ZNF503: variants seen among roughly 807,000 people sequenced by gnomAD.
The protein encoded by ZNF503 is NocA-like zinc finger 2.
A neutral mutation model predicts 34.4 loss-of-function variants in ZNF503; 15 were observed. The observed-to-expected ratio is 0.44, with a 90% CI of 0.29 to 0.67. ZNF503 has a LOEUF of 0.67. ZNF503 is among the 30% of genes least tolerant of loss of function. ZNF503 has a pLI of 0.13. For synonymous variants in ZNF503, 580 were observed against 456.8 expected (o/e 1.27, Z -3.44); for missense variants, 1,007 against 926.8 (o/e 1.09, Z -1.12).
chr10:75,368,204 A>G, the ZNF503 span, among the ~76,000 whole-genome samples: 1 of 152,282 alleles, frequency 6.6e-6, no homozygotes, highest in African/African-American at 2.4e-5. Flanking sequence ...CATCAACAAT[A>G]CAGGGGAGAA....
At chr10:75,330,710 G>T in the ZNF503 span, among the ~76,000 whole-genome samples, 1 of 151,508 alleles carries the variant, frequency 6.6e-6, no homozygotes, top group African/African-American at 2.4e-5. Context: ...TTTGATTTTT[G>T]ATTTTATTTA....
the ZNF503 span, among the ~76,000 whole-genome samples, chr10:75,387,904 A>C: frequency 6.6e-6 from 1 of 152,214 alleles, no homozygotes; most frequent in Non-Finnish European, 1.5e-5. Flanking sequence ...GGCTCTCTGC[A>C]TCAGATGGGC....
the ZNF503 span, among the ~76,000 whole-genome samples, chr10:75,372,711 G>T: frequency 6.6e-6 from 1 of 152,196 alleles, no homozygotes; most frequent in East Asian, 1.9e-4. Flanking sequence ...TCAGGCTAAT[G>T]TACTGTGGGC....
downstream of ZNF503, among the ~76,000 whole-genome samples, chr10:75,394,978 T>TG (rs2131982983): frequency 6.6e-6 from 1 of 152,210 alleles, no homozygotes; most frequent in South Asian, 2.1e-4. Flanking sequence ...GATTGGATGG[T>TG]GGGGGAAAGG....
chr10:75,297,004 A>C, the ZNF503 span, among the ~76,000 whole-genome samples: 11 of 152,234 alleles, frequency 7.2e-5, no homozygotes, highest in Middle Eastern at 3.4e-3. Context: ...ATCTACCCCC[A>C]GTTTCTCTCT....
chr10:75,343,431 C>T, the ZNF503 span: 511 of 152,322 alleles, frequency 3.4e-3, 5 homozygotes, highest in South Asian at 0.017. Context: ...GTGGAGGAAC[C>T]GAGGGTGGAA....
At chr10:75,367,336 A>G in the ZNF503 span, among the ~76,000 whole-genome samples, 1 of 152,164 alleles carries the variant, frequency 6.6e-6, no homozygotes, top group Non-Finnish European at 1.5e-5. Context: ...TTGATATTGC[A>G]GGATGCTGTC....
chr10:75,401,510 G>A lies in ZNF503; in HGVS notation c.-91C>T. 24 of 1,436,616 alleles carry A rather than the reference G, an allele frequency of 1.7e-5. 1 individual carries two copies. The highest frequency in any genetic ancestry group is 2.1e-5 in the Non-Finnish European group (23 of 1,085,506). 89.0% of individuals were successfully genotyped at this position (1,436,616 alleles called of 1,614,324 possible). Reference sequence around the variant, plus strand: ...CTGCGCGCTCGCCCCGGGAGCAGGAGCAGCGGGAGGAGGAGGAGCTGGCGC... The same window carrying A: ...CTGCGCGCTCGCCCCGGGAGCAGGAACAGCGGGAGGAGGAGGAGCTGGCGC... On this transcript the variant is annotated 5_prime_UTR_variant, in exon 1 of 2. Transcript: ENST00000372524.
rs1843768869 is a variant in ZNF503, at chr10:75,400,114, ACCGCCGCCT to A, written c.567_575del (p.Gly202_Gly204del). On this transcript the variant is annotated inframe_deletion, in exon 2 of 2. Coordinates refer to ENST00000372524, the MANE Select transcript of ZNF503 (RefSeq NM_032772.6). Reference sequence around the variant, plus strand: ...CGCCCCCGCCACCGCCACCGCCTCCACCGCCGCCTCCCGGCTCCTTCTTATCCGAGCCGG... The same window carrying A: ...CGCCCCCGCCACCGCCACCGCCTCCACCCGGCTCCTTCTTATCCGAGCCGG... The A allele has an allele frequency of 9.1e-6, 11 of 1,214,496 alleles. No homozygotes were observed. Among genetic ancestry groups the A allele is most frequent in the Non-Finnish European group, 1.2e-5 (11 of 941,752 alleles). The allele number at this position is 1,214,496 out of a possible 1,614,324, so 75.2% of individuals were successfully genotyped here.
the ZNF503 span, among the ~76,000 whole-genome samples, chr10:75,387,196 T>G: frequency 1.3e-5 from 2 of 152,244 alleles, no homozygotes; most frequent in Admixed American, 6.5e-5. Flanking sequence ...TGAAGGGTGC[T>G]GTCCTCCTCA....
At chr10:75,345,299 C>A in the ZNF503 span, among the ~76,000 whole-genome samples, 1 of 152,044 alleles carries the variant, frequency 6.6e-6, no homozygotes, top group South Asian at 2.1e-4. Flanking sequence ...GTTACTAGAG[C>A]CCTTCTGATG....
At chr10:75,357,339 G>A in the ZNF503 span, among the ~76,000 whole-genome samples, 1 of 147,190 alleles carries the variant, frequency 6.8e-6, no homozygotes, top group Non-Finnish European at 1.5e-5. Flanking sequence ...GAAACATAGT[G>A]AGGCTCCATC....
chr10:75,386,042 G>A, the ZNF503 span, among the ~76,000 whole-genome samples: 4 of 152,124 alleles, frequency 2.6e-5, no homozygotes, highest in South Asian at 8.3e-4. Flanking sequence ...TTTCTTCCAG[G>A]TACCCAGGCT....
At position 75,399,113 on chromosome 10, in the gene ZNF503, T is replaced by C. The variant is rs886706412; in HGVS notation, c.1577A>G (p.Asp526Gly). ...CNWVSANGPC[D>G]KRFATSEELL... ...CTCTTCGGACGTGGCGAAGCGCTTG[T>C]CGCACGGCCCGTTGGCCGACACCCA... is the stretch of plus-strand genomic sequence containing the variant. Residue 526 changes from aspartate to glycine, a missense_variant, in exon 2 of 2, where the codon GAC becomes GGC. By Grantham distance (94) the Asp-to-Gly change is moderately conservative (BLOSUM62 -1). Transcript: ENST00000372524. The C allele has an allele frequency of 2.5e-6, 4 of 1,613,668 alleles. No homozygotes were observed. The highest frequency in any genetic ancestry group is 3.4e-6 in the Non-Finnish European group (4 of 1,179,816).
the ZNF503 span, among the ~76,000 whole-genome samples, chr10:75,301,520 C>T: frequency 2.6e-5 from 4 of 152,142 alleles, no homozygotes; most frequent in Admixed American, 2.0e-4. Flanking sequence ...GGGTTACAGG[C>T]GTGAGCCACC....
chr10:75,280,532 G>A, the ZNF503 span, among the ~76,000 whole-genome samples: 1 of 150,380 alleles, frequency 6.6e-6, no homozygotes, highest in Non-Finnish European at 1.5e-5. Context: ...TGGTGGGCTT[G>A]GTATCTTGGA....
At chr10:75,289,364 G>A in the ZNF503 span, among the ~76,000 whole-genome samples, 81 of 152,154 alleles carry the variant, frequency 5.3e-4, no homozygotes, top group Non-Finnish European at 8.4e-4. Flanking sequence ...CCTATTGTTC[G>A]GTTACTACTG....
At chr10:75,334,985 C>G in the ZNF503 span, among the ~76,000 whole-genome samples, 20 of 152,166 alleles carry the variant, frequency 1.3e-4, no homozygotes, top group Non-Finnish European at 1.5e-5. Context: ...GCAAGGAGGT[C>G]GGTCTGATAT....
At chr10:75,309,899 G>T in the ZNF503 span, among the ~76,000 whole-genome samples, 1 of 151,910 alleles carries the variant, frequency 6.6e-6, no homozygotes, top group Non-Finnish European at 1.5e-5. Context: ...AATTCATTTC[G>T]AGTTAACTTT....
Sources: allele counts gnomAD v4.1 joint callset (sites outside exome capture counted in the v4.1 genomes callset), GRCh38; gene constraint gnomAD v4.1.1; transcripts MANE v1.5; gene names NCBI Gene and HGNC (gene_info 2026-07-23, HGNC 2026-07-21).